Variants in ODR4 observed in about 807,000 individuals in gnomAD.
The protein encoded by ODR4 is protein odr-4 homolog.
In ODR4, 47 loss-of-function variants were observed where a neutral mutation model predicts 60.2. The observed-to-expected ratio is 0.78, with a 90% confidence interval of 0.62 to 1.00. The LOEUF is 1.00. Ranked by LOEUF, ODR4 falls within the 50% of genes least tolerant of loss-of-function variation. ODR4 has a pLI of 0.00. For synonymous variants in ODR4, 178 were observed against 175.5 expected, an observed-to-expected ratio of 1.01 and a Z score of -0.11; for missense variants, 488 against 530.8, an observed-to-expected ratio of 0.92 and a Z score of 0.79.
chr1:186,383,465 G>A (rs1660118603), intron 3 of ODR4, among the ~76,000 whole-genome samples: 1 of 152,024 alleles, frequency 6.6e-6, no homozygotes, highest in Non-Finnish European at 1.5e-5. Context: ...TCTGGGGTTG[G>A]GGGTGAGGGG....
At chr1:186,429,579 C>T in the ODR4 span, among the ~76,000 whole-genome samples, 2 of 152,090 alleles carry the variant, frequency 1.3e-5, no homozygotes, top group Non-Finnish European at 2.9e-5. Flanking sequence ...TACTACAGTG[C>T]CTCTGTCTTC....
rs141878801 is a variant in ODR4, at chr1:186,383,678, G to GAGAT, written c.234+523_234+524insGATA. 1.3e-3 allele frequency among the ~76,000 whole-genome samples: 182 copies of GAGAT among 140,768 alleles called. 1 individual carries two copies. Among genetic ancestry groups the GAGAT allele is most frequent in the African/African-American group, 4.5e-3 (173 of 38,738 alleles). The allele number at this position is 140,768 out of a possible 152,430, so 92.3% of individuals were successfully genotyped here. On this transcript the variant is annotated intron_variant, in intron 3 of 13. Transcript: ENST00000287859. Reference sequence around the variant, plus strand: ...ACTCAAACGTGTTTCTGTGTATGTAGATATATATATATATATATATGGACA... The same window carrying GAGAT: ...ACTCAAACGTGTTTCTGTGTATGTAGAGATATATATATATATATATATATGGACA...
intron 9 of ODR4, among the ~76,000 whole-genome samples, chr1:186,397,224 T>C (rs939275276): frequency 6.6e-6 from 1 of 152,188 alleles, no homozygotes; most frequent in Non-Finnish European, 1.5e-5. Flanking sequence ...CATGTCAGTA[T>C]TCTCCTCTTC....
intron 9 of ODR4, among the ~76,000 whole-genome samples, chr1:186,397,272 A>G (rs751417507): frequency 1.3e-5 from 2 of 152,200 alleles, no homozygotes; most frequent in Admixed American, 6.5e-5. Context: ...GCATAAGCAC[A>G]TAGGCACAAA....
Position 186,420,802 on chromosome 1 carries a change from A to G in ODR4, c.*1726A>G, listed in dbSNP as rs1001162168. The G allele has an allele frequency of 6.6e-6, 1 of 152,202 alleles. No individual in the cohort carries two copies. The highest frequency in any genetic ancestry group is 2.4e-5 in the African/African-American group (1 of 41,444). 9.4% of individuals were successfully genotyped at this position (152,202 alleles called of 1,614,324 possible). On this transcript the variant is annotated 3_prime_UTR_variant, in exon 14 of 14. Transcript: ENST00000287859. ...TATAAAGACTAGGAGTCCTAGAAAG[A>G]GAAAATTTAGAGAATAAAGGAGAGG...
chr1:186,399,196 T>G (rs1660819415), intron 11 of ODR4, 152 bp downstream of exon 11: 1 of 686,146 alleles, frequency 1.5e-6, no homozygotes, highest in Non-Finnish European at 2.6e-6. Flanking sequence ...ATTTTTCAGT[T>G]GCTACTCAGA....
chr1:186,399,060 A>G lies in ODR4; in HGVS notation c.1000+16A>G, dbSNP rs1301989306. On this transcript the variant is annotated intron_variant, in intron 11 of 13. Transcript: ENST00000287859. ...GAAAAAAAAGTTATGAGTATAAAAT[A>G]AGTACTTTTTTGCGTATCTTCAACT... The G allele has an allele frequency of 1.9e-6, 3 of 1,553,414 alleles. No homozygotes were observed. Among genetic ancestry groups the G allele is most frequent in the Non-Finnish European group, 2.7e-6 (3 of 1,131,776 alleles).
At chr1:186,413,382 T>A (rs1418615269) in intron 12 of ODR4, among the ~76,000 whole-genome samples, 1 of 152,168 alleles carries the variant, frequency 6.6e-6, no homozygotes, top group East Asian at 1.9e-4. Flanking sequence ...AAGTAGTTGC[T>A]ATGTTTAAAA....
rs1456335063 is a variant in ODR4, at chr1:186,417,209, T to C, written c.1187-335T>C. 2.0e-5 allele frequency among the ~76,000 whole-genome samples: 3 copies of C among 152,098 alleles called. No homozygotes were observed. In the East Asian group the frequency reaches 5.8e-4, roughly 29 times the overall value. Reference sequence around the variant, plus strand: ...AACTCCTGAGCTCAGGCACTCTGCCTGCCTCAGCCTCCCAAAGTGCTGGGA... The same window carrying C: ...AACTCCTGAGCTCAGGCACTCTGCCCGCCTCAGCCTCCCAAAGTGCTGGGA... On this transcript the variant is annotated intron_variant, in intron 12 of 13. Coordinates refer to ENST00000287859, the MANE Select transcript of ODR4 (RefSeq NM_017847.6).
At chr1:186,399,990 CTTTTTTTTTTTT>C (rs948511178) in intron 11 of ODR4, among the ~76,000 whole-genome samples, 5 of 112,044 alleles carry the variant, frequency 4.5e-5, no homozygotes, top group South Asian at 2.9e-4. Flanking sequence ...TTTTTTTTTT[CTTTTTTTTTTTT>C]TTTTTTTGAG....
chr1:186,418,002 A>G (rs984856447), intron 13 of ODR4, among the ~76,000 whole-genome samples: 1 of 152,180 alleles, frequency 6.6e-6, no homozygotes, highest in African/African-American at 2.4e-5. Flanking sequence ...TCTATGACAA[A>G]CAACGTTAAA....
intron 9 of ODR4, among the ~76,000 whole-genome samples, chr1:186,397,853 A>G (rs922130196): frequency 2.0e-5 from 3 of 152,200 alleles, no homozygotes; most frequent in African/African-American, 7.2e-5. Flanking sequence ...AAGTGTGTAA[A>G]TATATGTGTC....
the ODR4 span, among the ~76,000 whole-genome samples, chr1:186,432,105 G>T: frequency 6.6e-6 from 1 of 152,098 alleles, no homozygotes; most frequent in Non-Finnish European, 1.5e-5. Flanking sequence ...CTCATATATG[G>T]CTTGGAGGTG....
At chr1:186,382,995 A>G (rs1230155693) in intron 2 of ODR4, 27 bp from the exon 3 acceptor site, 2 of 1,567,030 alleles carry the variant, frequency 1.3e-6, no homozygotes, top group Admixed American at 3.8e-5. Context: ...ATATCACTCT[A>G]ACAAGCTTTT....
rs377510905 is a variant in ODR4 at position 186,412,476 on chromosome 1, A to G, written c.1187-5068A>G. ...CCAAGAATATGACTTACCTAGAAGT[A>G]TAAGTTTCATCAAGCATTTGTTAAA... is the stretch of plus-strand genomic sequence containing the variant. On this transcript the variant is annotated intron_variant, in intron 12 of 13. Coordinates refer to ENST00000287859, the MANE Select transcript of ODR4 (RefSeq NM_017847.6). Among the ~76,000 whole-genome samples, 15 of 152,284 alleles carry G rather than the reference A, an allele frequency of 9.9e-5. 1 individual carries two copies. In the East Asian group the frequency reaches 1.2e-3, roughly 12 times the overall value.
At chr1:186,415,401 C>A (rs1438159984) in intron 12 of ODR4, among the ~76,000 whole-genome samples, 1 of 152,132 alleles carries the variant, frequency 6.6e-6, no homozygotes, top group African/African-American at 2.4e-5. Context: ...CAACAATAGG[C>A]TATTTTACTT....
At chr1:186,379,555 T>A (rs1409696261) in intron 1 of ODR4, among the ~76,000 whole-genome samples, 1 of 152,138 alleles carries the variant, frequency 6.6e-6, no homozygotes, top group East Asian at 1.9e-4. Context: ...CTCTGGTTGA[T>A]TTGTGGTTGT....
intron 8 of ODR4, among the ~76,000 whole-genome samples, chr1:186,392,935 G>A (rs976755974): frequency 6.6e-6 from 1 of 152,216 alleles, no homozygotes; most frequent in Non-Finnish European, 1.5e-5. Flanking sequence ...AACCTGGGAG[G>A]TGGAGGTTGC....
At chr1:186,410,348 T>C (rs1661331198) in intron 12 of ODR4, among the ~76,000 whole-genome samples, 1 of 152,234 alleles carries the variant, frequency 6.6e-6, no homozygotes, top group African/African-American at 2.4e-5. Context: ...CATGAAATTA[T>C]GTCTTTTATA....
Sources: allele counts gnomAD v4.1 joint callset (sites outside exome capture counted in the v4.1 genomes callset), GRCh38; gene constraint gnomAD v4.1.1; transcripts MANE v1.5; gene names NCBI Gene and HGNC (gene_info 2026-07-23, HGNC 2026-07-21).